SORCS3: variants seen among roughly 807,000 people sequenced by gnomAD.
The protein encoded by SORCS3 is VPS10 domain-containing receptor SorCS3.
In SORCS3, 57 loss-of-function variants were observed where a neutral mutation model predicts 146.3. The ratio of observed to expected loss-of-function variants is 0.39; its 90% CI spans 0.31 to 0.49. The LOEUF is 0.49. Among genes scored for constraint, SORCS3 ranks in the 20% least tolerant of loss-of-function variants. SORCS3 has a pLI of 0.92. For missense variants in SORCS3, 1,341 were observed against 1,575.5 expected (o/e 0.85, Z 2.52); for synonymous variants, 653 against 618.5 (o/e 1.06, Z -0.83).
chr10:104,932,405 A>T (rs758034952), intron 3 of SORCS3, among the ~76,000 whole-genome samples: 18 of 152,166 alleles, frequency 1.2e-4, no homozygotes, highest in Non-Finnish European at 2.4e-4. Flanking sequence ...CCTGGAAGTG[A>T]GGGAGAAAGA....
At chr10:104,946,519 A>G (rs1231848592) in intron 3 of SORCS3, among the ~76,000 whole-genome samples, 1 of 152,206 alleles carries the variant, frequency 6.6e-6, no homozygotes, top group Non-Finnish European at 1.5e-5. Flanking sequence ...CCATCACAGG[A>G]GCTTTCATGA....
intron 9 of SORCS3, among the ~76,000 whole-genome samples, chr10:105,153,573 G>C (rs1397429938): frequency 6.6e-6 from 1 of 152,008 alleles, no homozygotes; most frequent in African/African-American, 2.4e-5. Flanking sequence ...GAGAGTAGCA[G>C]TTGCTTCATA....
At chr10:105,012,134 A>C (rs813756) in intron 4 of SORCS3, among the ~76,000 whole-genome samples, 81,650 of 151,924 alleles carry the variant, frequency 0.54, 24,658 homozygotes, top group African/African-American at 0.83. Flanking sequence ...AGCATGATCT[A>C]CTGAATGTGG....
chr10:104,912,366 G>A (rs1305139223), intron 2 of SORCS3, among the ~76,000 whole-genome samples: 6 of 152,182 alleles, frequency 3.9e-5, no homozygotes, highest in Admixed American at 3.9e-4. Flanking sequence ...GCAAATGACA[G>A]CCTCTAGAGA....
chr10:104,803,242 G>A (rs890561683), intron 1 of SORCS3, among the ~76,000 whole-genome samples: 1 of 152,254 alleles, frequency 6.6e-6, no homozygotes, highest in African/African-American at 2.4e-5. Context: ...GTCTGTAGCT[G>A]TATGGAGACT....
intron 16 of SORCS3, among the ~76,000 whole-genome samples, chr10:105,207,091 A>G (rs144303547): frequency 1.7e-3 from 265 of 152,204 alleles, no homozygotes; most frequent in Middle Eastern, 3.4e-3. Flanking sequence ...TGGGTGCCCT[A>G]TGGGATTGGA....
At chr10:104,642,528 C>T (rs1457085486) in intron 1 of SORCS3, among the ~76,000 whole-genome samples, 1 of 152,056 alleles carries the variant, frequency 6.6e-6, no homozygotes, top group Admixed American at 6.5e-5. Context: ...CAAGTCGGCC[C>T]CCAGCCTTGG....
rs2056927542 is a variant in SORCS3 at position 105,255,729 on chromosome 10, A to G, written c.3265A>G (p.Asn1089Asp). The change falls in exon 24 of 27, where the codon AAC becomes GAC. Residue 1089 changes from asparagine to aspartate, a missense_variant. Transcript: ENST00000369701. ...TGTAGAAACACTGTTTAATGCTCTC[A>G]ACCAAAATTTGGTCCAGTTTGAGCT... ...QIVETLFNAL[N>D]QNLVQFELKP... The G allele has an allele frequency of 5.0e-6, 8 of 1,613,818 alleles. No individual in the cohort carries two copies. The East Asian group carries it at 1.6e-4, about 31-fold the overall frequency.
chr10:104,662,960 G>A (rs1334237340), intron 1 of SORCS3, among the ~76,000 whole-genome samples: 1 of 152,160 alleles, frequency 6.6e-6, no homozygotes, highest in Admixed American at 6.5e-5. Context: ...CCTACTTCAT[G>A]GGAGGAAAAA....
intron 11 of SORCS3, among the ~76,000 whole-genome samples, chr10:105,160,704 C>T (rs899927603): frequency 6.6e-6 from 1 of 152,132 alleles, no homozygotes; most frequent in Non-Finnish European, 1.5e-5. Context: ...TGTTACTTAT[C>T]ATCATTAATG....
chr10:105,101,131 G>T (rs760440291), intron 6 of SORCS3, among the ~76,000 whole-genome samples: 6 of 152,222 alleles, frequency 3.9e-5, no homozygotes, highest in African/African-American at 1.4e-4. Flanking sequence ...CTTGTTGGAA[G>T]CCTATTTGGG....
intron 1 of SORCS3, among the ~76,000 whole-genome samples, chr10:104,670,991 A>G (rs972424774): frequency 3.3e-5 from 5 of 152,096 alleles, no homozygotes; most frequent in Non-Finnish European, 5.9e-5. Context: ...AACGATATGC[A>G]ATTGATTATT....
chr10:105,261,598 T>A (rs1410367185), intron 25 of SORCS3, among the ~76,000 whole-genome samples: 3 of 152,174 alleles, frequency 2.0e-5, no homozygotes, highest in African/African-American at 7.2e-5. Context: ...ACACACAGTG[T>A]GTGAGGAGAT....
intron 6 of SORCS3, among the ~76,000 whole-genome samples, chr10:105,093,238 T>C (rs1382315124): frequency 6.6e-6 from 1 of 152,194 alleles, no homozygotes; most frequent in Non-Finnish European, 1.5e-5. Flanking sequence ...TCACAACTTA[T>C]ACAATGATTC....
rs146853338 is a variant in SORCS3 at position 104,989,298 on chromosome 10, A to G, written c.954+11805A>G. ...GATGAAGTCTGACTCTGCATGTATC[A>G]CTCAGATTATGCGAAGAATGGCAGG... On this transcript the variant is annotated intron_variant, in intron 4 of 26. Transcript: ENST00000369701. Among the ~76,000 whole-genome samples, 169 of 152,296 alleles carry G rather than the reference A, an allele frequency of 1.1e-3. 1 individual carries two copies. Among genetic ancestry groups the G allele is most frequent in the African/African-American group, 4.0e-3 (167 of 41,572 alleles).
intron 2 of SORCS3, among the ~76,000 whole-genome samples, chr10:104,886,193 TGAGGTG>T (rs2018682450): frequency 6.6e-6 from 1 of 152,148 alleles, no homozygotes; most frequent in Non-Finnish European, 1.5e-5. Flanking sequence ...TTTTATGCAA[TGAGGTG>T]GAGGTGGAGG....
At chr10:104,765,616 A>G (rs1319427671) in intron 1 of SORCS3, among the ~76,000 whole-genome samples, 2 of 152,180 alleles carry the variant, frequency 1.3e-5, no homozygotes, top group Non-Finnish European at 2.9e-5. Flanking sequence ...GGACGTTGTG[A>G]CTAGATAGCT....
Position 104,641,458 on chromosome 10 carries a change from G to A in SORCS3, c.131G>A (p.Gly44Glu). Reference protein sequence around the residue: ...EITWDATGGPGRPAAPASRPP... With the variant: ...EITWDATGGPERPAAPASRPP... ...ACTTGGGACGCGACAGGCGGTCCCG[G>A]ACGCCCGGCGGCCCCGGCTTCGCGG... The change falls in exon 1 of 27, where the codon GGA becomes GAA. Residue 44 changes from glycine (G) to glutamate (E), a missense_variant. Gly to Glu is a moderately conservative substitution (Grantham distance 98). Coordinates refer to ENST00000369701, the MANE Select transcript of SORCS3 (RefSeq NM_014978.3). The surrounding 1 kb of genome is among the most constrained non-coding windows in gnomAD (Gnocchi z 6.4). 6.8e-7 allele frequency: 1 copy of A among 1,468,184 alleles called. No homozygotes were observed. Among genetic ancestry groups the A allele is most frequent in the Non-Finnish European group, 9.0e-7 (1 of 1,117,200 alleles). 90.9% of individuals were successfully genotyped at this position (1,468,184 alleles called of 1,614,324 possible).
Position 105,200,097 on chromosome 10 carries a change from C to A in SORCS3, c.2108C>A (p.Thr703Asn), listed in dbSNP as rs559452374. 1.8e-5 allele frequency: 29 copies of A among 1,613,292 alleles called. No homozygotes were observed. In the South Asian group the frequency reaches 3.2e-4, roughly 18 times the overall value. The change falls in exon 15 of 27, where the codon ACC (threonine) becomes AAC (asparagine). Residue 703 changes from threonine to asparagine, a missense_variant. By Grantham distance (65) the Thr-to-Asn change is moderately conservative (BLOSUM62 0). Transcript: ENST00000369701. ...SRHCTKEDYQ[T>N]WHLLNQGEPC... ...CATTGCACCAAGGAGGACTATCAGA[C>A]CTGGCACCTGCTCAATCAGGTACAC...
Sources: allele counts gnomAD v4.1 joint callset (sites outside exome capture counted in the v4.1 genomes callset), GRCh38; gene constraint gnomAD v4.1.1; non-coding constraint Gnocchi (gnomAD v3.1); transcripts MANE v1.5; gene names NCBI Gene and HGNC (gene_info 2026-07-23, HGNC 2026-07-21).